Variants in LRRC9 observed in about 807,000 individuals in gnomAD.
The protein encoded by LRRC9 is leucine-rich repeat-containing protein 9.
A neutral mutation model predicts 63.2 loss-of-function variants in LRRC9; 122 were observed. That is an observed-to-expected ratio of 1.93 (90% CI 1.67 to 2.24). LRRC9 has a LOEUF of 2.24. Ranked by LOEUF, LRRC9 falls within the 30% of genes most tolerant of loss-of-function variation. The pLI, the probability that LRRC9 is intolerant of heterozygous loss-of-function variation, is 0.00. For missense variants in LRRC9, 1,071 were observed against 627.7 expected, an observed-to-expected ratio of 1.71 and a Z score of -7.55; for synonymous variants, 366 against 213.1, an observed-to-expected ratio of 1.72 and a Z score of -6.25.
chr14:60,025,290 A>T (rs219398), intron 27 of LRRC9, among the ~76,000 whole-genome samples: 3 of 151,004 alleles, frequency 2.0e-5, no homozygotes, highest in South Asian at 2.1e-4. Context: ...TTTTTTGATA[A>T]GGGGTCTCAA....
chr14:60,053,854 A>C lies in LRRC9; in HGVS notation c.4131+649A>C, dbSNP rs1204723139. ...TTCTAAAGACTAAATTTAACACAGAAAATCTATGGTTTTTGAACAGAGAAG... is the reference window on the plus strand; with the variant it reads ...TTCTAAAGACTAAATTTAACACAGACAATCTATGGTTTTTGAACAGAGAAG... On this transcript the variant is annotated intron_variant, in intron 30 of 31. Transcript: ENST00000445360. The surrounding 1 kb of genome is among the most constrained non-coding windows in gnomAD (Gnocchi z 4.8). The C allele has an allele frequency of 2.3e-6, 1 of 439,156 alleles. No individual in the cohort carries two copies. The highest frequency in any genetic ancestry group is 2.7e-5 in the Admixed American group (1 of 37,514). The allele number at this position is 439,156 out of a possible 1,614,324, so 27.2% of individuals were successfully genotyped here. A position where few individuals can be genotyped will look rare whatever the true frequency, so the allele number is the denominator to read the frequency against.
intron 29 of LRRC9, among the ~76,000 whole-genome samples, chr14:60,038,138 T>C (rs1384048258): frequency 6.6e-6 from 1 of 152,246 alleles, no homozygotes; most frequent in Admixed American, 6.5e-5. Flanking sequence ...TCTGTTTTGG[T>C]ACCAGTACTA....
chr14:60,026,333 A>G (rs1891550497), intron 27 of LRRC9, among the ~76,000 whole-genome samples: 1 of 152,040 alleles, frequency 6.6e-6, no homozygotes, highest in African/African-American at 2.4e-5. Context: ...ATGATATCTC[A>G]TTTGTATTTC....
intron 8 of LRRC9, among the ~76,000 whole-genome samples, chr14:59,946,161 T>C (rs1029356137): frequency 6.6e-6 from 1 of 151,378 alleles, no homozygotes; most frequent in African/African-American, 2.4e-5. Flanking sequence ...AGAGAAGAGT[T>C]ATATACTCAA....
At position 59,927,992 on chromosome 14, in the gene LRRC9, G is replaced by A. The variant is rs1259290263; in HGVS notation, c.48+1G>A. 4.4e-6 allele frequency: 3 copies of A among 680,732 alleles called. No individual in the cohort carries two copies. Among genetic ancestry groups the A allele is most frequent in the South Asian group, 1.6e-5 (1 of 62,214 alleles). The allele number at this position is 680,732 out of a possible 1,614,324, so 42.2% of individuals were successfully genotyped here. On this transcript the variant is annotated splice_donor_variant, in intron 2 of 31. Coordinates refer to ENST00000445360, the Ensembl canonical transcript of LRRC9. LOFTEE classifies it high-confidence loss of function. The surrounding 1 kb of genome is among the most constrained non-coding windows in gnomAD (Gnocchi z 4.4). ...CCAAGAAGAAATAATTAAAGAACTG[G>A]TGAGTCAAAGTCAAATTTCTTTTAA...
intron 7 of LRRC9, among the ~76,000 whole-genome samples, chr14:59,939,092 CAT>C (rs35129627): frequency 0.41 from 59,733 of 146,444 alleles, 12,619 homozygotes; most frequent in East Asian, 0.58. Flanking sequence ...CACATATATA[CAT>C]ATATATACAC....
chr14:60,006,567 T>C, exon 22 of LRRC9: 1 of 701,306 alleles, frequency 1.4e-6, no homozygotes, highest in Non-Finnish European at 2.6e-6. Context: ...TGTTGAGTTA[T>C]ACATAAGCAA....
In LRRC9 at chr14:59,942,420, C is replaced by G. The variant is rs1881875702; in HGVS notation, c.727-2169C>G. 6.6e-6 allele frequency among the ~76,000 whole-genome samples: 1 copy of G among 152,170 alleles called. No homozygotes were observed. Among genetic ancestry groups the G allele is most frequent in the Admixed American group, 6.5e-5 (1 of 15,272 alleles). On this transcript the variant is annotated intron_variant, in intron 7 of 31. Coordinates refer to ENST00000445360, the Ensembl canonical transcript of LRRC9. This position sits in a 1 kb window ranked among gnomAD's most constrained non-coding sequence, Gnocchi z 5.3. ...TTTTAATTTTTTGAGAAAACGCCAT[C>G]CTGTTTTTCATAGTGGCTGTACTAA...
downstream of LRRC9, among the ~76,000 whole-genome samples, chr14:60,065,749 C>T (rs1353430799): frequency 7.7e-6 from 1 of 129,548 alleles, no homozygotes; most frequent in Non-Finnish European, 1.7e-5. Flanking sequence ...GTTATTATGT[C>T]TTTGCTCCCA....
chr14:59,949,500 C>G (rs1375132460), intron 8 of LRRC9, among the ~76,000 whole-genome samples: 1 of 150,886 alleles, frequency 6.6e-6, no homozygotes, highest in African/African-American at 2.4e-5. Flanking sequence ...TTTTGTGTCT[C>G]TATTTCCTTC....
At chr14:59,933,070 G>A (rs551268442) in intron 6 of LRRC9, among the ~76,000 whole-genome samples, 3 of 152,218 alleles carry the variant, frequency 2.0e-5, no homozygotes, top group Middle Eastern at 3.4e-3. Flanking sequence ...TAATCTTATG[G>A]CCTTTGCACT....
At chr14:60,009,625 T>A (rs1295282344) in intron 23 of LRRC9, among the ~76,000 whole-genome samples, 1 of 152,124 alleles carries the variant, frequency 6.6e-6, no homozygotes, top group Non-Finnish European at 1.5e-5. Flanking sequence ...TCAAAACCAA[T>A]CATGCCTTCC....
chr14:59,941,750 G>A (rs546638949), intron 7 of LRRC9, among the ~76,000 whole-genome samples: 3 of 152,072 alleles, frequency 2.0e-5, no homozygotes, highest in African/African-American at 7.2e-5. Context: ...AATGTATAAT[G>A]ATCAAATAAG....
chr14:59,995,836 G>A (rs1000322436), intron 17 of LRRC9, among the ~76,000 whole-genome samples: 4 of 152,020 alleles, frequency 2.6e-5, no homozygotes, highest in Admixed American at 6.5e-5. Context: ...TCCGCCTCCC[G>A]GGTTCAAGCG....
At chr14:60,040,314 T>C (rs1336202913) in intron 29 of LRRC9, among the ~76,000 whole-genome samples, 1 of 151,930 alleles carries the variant, frequency 6.6e-6, no homozygotes, top group Non-Finnish European at 1.5e-5. Flanking sequence ...CTGGATATCC[T>C]TGTTAACTTT....
At chr14:59,977,302 T>C in exon 14 of LRRC9, 3 of 700,490 alleles carry the variant, frequency 4.3e-6, no homozygotes, top group Non-Finnish European at 7.8e-6. Flanking sequence ...TCAATCCAAC[T>C]ATCCAATGGT....
At chr14:60,030,592 C>T (rs575497404) in intron 28 of LRRC9, among the ~76,000 whole-genome samples, 1 of 152,136 alleles carries the variant, frequency 6.6e-6, no homozygotes, top group Non-Finnish European at 1.5e-5. Flanking sequence ...AATCCAGGCA[C>T]AATTATTATT....
intron 30 of LRRC9, among the ~76,000 whole-genome samples, chr14:60,056,394 T>G (rs1034999024): frequency 6.6e-6 from 1 of 152,232 alleles, no homozygotes; most frequent in East Asian, 1.9e-4. Context: ...TAAAATTCTT[T>G]AAACATTGGT....
At chr14:60,001,821 A>C in intron 19 of LRRC9, 145 bp from the exon 20 acceptor site, 1 of 435,200 alleles carries the variant, frequency 2.3e-6, no homozygotes, top group Non-Finnish European at 4.1e-6. Context: ...TAGATATTGA[A>C]AACAATTTAA....
Sources: gnomAD v4.1 joint callset for allele counts (sites outside exome capture counted in the v4.1 genomes callset) on GRCh38, gnomAD v4.1.1 for gene constraint, Gnocchi (gnomAD v3.1) non-coding constraint, MANE v1.5 for transcripts, NCBI Gene and HGNC (gene_info 2026-07-23, HGNC 2026-07-21) for gene names.